NPHP4: variants seen among roughly 807,000 people sequenced by gnomAD.
NPHP4 encodes the protein nephrocystin-4.
NPHP4 carries 151 observed loss-of-function variants against 155.8 expected under a neutral mutation model. The ratio of observed to expected loss-of-function variants is 0.97; its 90% CI spans 0.85 to 1.11. The LOEUF (loss-of-function observed/expected upper bound fraction) is 1.11, where lower values mean the gene tolerates loss of function less well. Ranked by LOEUF, NPHP4 falls within the 50% of genes least tolerant of loss-of-function variation. The pLI, the probability that NPHP4 is intolerant of heterozygous loss-of-function variation, is 0.00. For missense variants in NPHP4, 1,956 were observed against 1,925.7 expected (o/e 1.02, Z -0.29); for synonymous variants, 845 against 816.8 (o/e 1.03, Z -0.59).
chr1:5,933,049 G>A, intron 10 of NPHP4, 98 bp downstream of exon 10: 2 of 993,910 alleles, frequency 2.0e-6, no homozygotes, highest in Non-Finnish European at 2.9e-6. Context: ...TTCTGTAAAT[G>A]AAACATCTGC....
At chr1:5,887,522 C>T (rs1456513399) in intron 17 of NPHP4, 56 bp from the exon 18 acceptor site, 2 of 1,576,930 alleles carry the variant, frequency 1.3e-6, no homozygotes, top group Non-Finnish European at 1.7e-6. Context: ...CTGCTTCCAC[C>T]AGCCCTGCAG....
At chr1:5,984,824 G>A (rs978065402) in intron 2 of NPHP4, among the ~76,000 whole-genome samples, 1 of 152,204 alleles carries the variant, frequency 6.6e-6, no homozygotes, top group Admixed American at 6.5e-5. Flanking sequence ...TAGGAAAGAG[G>A]GAAGGGCTAT....
At position 5,944,999 on chromosome 1, in the gene NPHP4, T is replaced by TCACCCG. The variant is rs891685978; in HGVS notation, c.1119+2099_1119+2104dup. ...AAGAGAAATCAGTGACTCCATAGCC[T>TCACCCG]CACCCGCACCCGCACCCCAGACGCC... On this transcript the variant is annotated intron_variant, in intron 9 of 29. Transcript: ENST00000378156. The surrounding 1 kb of genome is among the most constrained non-coding windows in gnomAD (Gnocchi z 4.3). Among the ~76,000 whole-genome samples, 5 of 152,088 alleles carry TCACCCG rather than the reference T, an allele frequency of 3.3e-5. No individual in the cohort carries two copies. Among genetic ancestry groups the TCACCCG allele is most frequent in the African/African-American group, 9.7e-5 (4 of 41,402 alleles).
chr1:5,895,824 C>T (rs1210562165), intron 16 of NPHP4, among the ~76,000 whole-genome samples: 1 of 152,210 alleles, frequency 6.6e-6, no homozygotes, highest in Non-Finnish European at 1.5e-5. Context: ...AGCAGCATAA[C>T]CACCCCACAG....
Position 5,910,892 on chromosome 1 carries a change from C to G in NPHP4, c.1442-1679G>C, listed in dbSNP as rs111946003. On this transcript the variant is annotated intron_variant, in intron 11 of 29. Transcript: ENST00000378156. This position sits in a 1 kb window ranked among gnomAD's most constrained non-coding sequence, Gnocchi z 5.4. Reference sequence around the variant, plus strand: ...TGGGTGGAAGGCATTGGGGCAAGGCCAGAGGGAGCCCCCAACCCTCAGAGG... The same window carrying G: ...TGGGTGGAAGGCATTGGGGCAAGGCGAGAGGGAGCCCCCAACCCTCAGAGG... Among the ~76,000 whole-genome samples the G allele has an allele frequency of 8.3e-4, 126 of 152,282 alleles. 2 individuals are homozygous for G. Among genetic ancestry groups the G allele is most frequent in the African/African-American group, 2.9e-3 (122 of 41,560 alleles).
rs1453585098 is a variant in NPHP4 at position 5,862,854 on chromosome 1, G to C, written c.*411C>G. 5 of 189,208 alleles carry C rather than the reference G, an allele frequency of 2.6e-5. No individual in the cohort carries two copies. Among genetic ancestry groups the C allele is most frequent in the African/African-American group, 4.6e-5 (2 of 43,054 alleles). The allele number at this position is 189,208 out of a possible 1,614,324, so 11.7% of individuals were successfully genotyped here. ...ATTTTGTTCAACAATTTAAAAAACAGATATAATACCAGCATAAAATATTGC... is the reference window on the plus strand; with the variant it reads ...ATTTTGTTCAACAATTTAAAAAACACATATAATACCAGCATAAAATATTGC... On this transcript the variant is annotated 3_prime_UTR_variant, in exon 30 of 30. Coordinates refer to ENST00000378156, the MANE Select transcript of NPHP4 (RefSeq NM_015102.5).
At chr1:5,933,435 T>C in intron 9 of NPHP4, 106 bp from the exon 10 acceptor site, 2 of 884,202 alleles carry the variant, frequency 2.3e-6, no homozygotes, top group Admixed American at 4.1e-5. Context: ...GAGCTCAGTG[T>C]AGCAAGGGGC....
intron 3 of NPHP4, among the ~76,000 whole-genome samples, chr1:5,977,189 G>A (rs917917432): frequency 8.6e-5 from 13 of 152,046 alleles, no homozygotes; most frequent in Non-Finnish European, 1.3e-4. Context: ...TGACATCGCC[G>A]GCTGTTAAGA....
In NPHP4 at chr1:5,978,412, C is replaced by A; in HGVS notation, c.137G>T (p.Gly46Val). ...KWLDGPVIRQ[G>V]VLEVLSEVEC... The stretch of plus-strand genomic sequence containing the variant: ...AACCTCTGACAGTACCTCCAGCACG[C>A]CCTAGGAGACAACGGGGAATTGACC... The change falls in exon 3 of 30, where the codon GGC becomes GTC. Residue 46 changes from glycine to valine, a missense_variant and splice_region_variant. Coordinates refer to ENST00000378156, the MANE Select transcript of NPHP4 (RefSeq NM_015102.5). The A allele has an allele frequency of 6.2e-7, 1 of 1,600,850 alleles. No individual in the cohort carries two copies. The highest frequency in any genetic ancestry group is 8.5e-7 in the Non-Finnish European group (1 of 1,173,824).
chr1:5,901,558 GA>G (rs1164082907), intron 16 of NPHP4, among the ~76,000 whole-genome samples: 10 of 152,234 alleles, frequency 6.6e-5, no homozygotes, highest in African/African-American at 2.2e-4. Flanking sequence ...AACTTGCAAG[GA>G]AATTTAATTT....
In NPHP4 at chr1:5,945,937, G is replaced by A. The variant is rs371816016; in HGVS notation, c.1119+1167C>T. ...AGGGCGTGAATCATCCCTCCGTCCC[G>A]CATATCCACACTGTAGACACCACCC... On this transcript the variant is annotated intron_variant, in intron 9 of 29. Coordinates refer to ENST00000378156, the MANE Select transcript of NPHP4 (RefSeq NM_015102.5). Among the ~76,000 whole-genome samples the A allele has an allele frequency of 3.9e-5, 6 of 152,040 alleles. No individual in the cohort carries two copies. The East Asian group carries it at 5.8e-4, about 15-fold the overall frequency.
At position 5,887,412 on chromosome 1, in the gene NPHP4, C is replaced by A. The variant is rs753373132; in HGVS notation, c.2359G>T (p.Val787Leu). Residue 787 changes from valine (V) to leucine (L), a missense_variant, in exon 18 of 30, where the codon GTG becomes TTG. Coordinates refer to ENST00000378156, the MANE Select transcript of NPHP4 (RefSeq NM_015102.5). ...TTGTCCTGCTCGTATTCAGTTGCCA[C>A]GACCTCAAGCTCGTGGGAGGCCTGC... ...AVQASHELEVVATEYEQDNMV... is the reference protein window; with the variant it reads ...AVQASHELEVLATEYEQDNMV... 1 of 1,613,358 alleles carries A rather than the reference C, an allele frequency of 6.2e-7. No homozygotes were observed. Among genetic ancestry groups the A allele is most frequent in the African/African-American group, 1.3e-5 (1 of 75,028 alleles).
intron 3 of NPHP4, among the ~76,000 whole-genome samples, chr1:5,974,140 G>A (rs4068399): frequency 0.65 from 98,268 of 152,150 alleles, 31,640 homozygotes; most frequent in East Asian, 0.76. Flanking sequence ...ATTATAGCAC[G>A]CTCATTGCTC....
At chr1:5,990,655 T>C (rs1656106664) in intron 1 of NPHP4, among the ~76,000 whole-genome samples, 1 of 152,132 alleles carries the variant, frequency 6.6e-6, no homozygotes, top group African/African-American at 2.4e-5. Flanking sequence ...CTAGCTATTA[T>C]AATAGTATTA....
intron 9 of NPHP4, among the ~76,000 whole-genome samples, chr1:5,937,471 G>C (rs914573431): frequency 6.6e-6 from 1 of 152,200 alleles, no homozygotes; most frequent in African/African-American, 2.4e-5. Context: ...ATTACTTCAC[G>C]AGCTTCATTT....
intron 23 of NPHP4, among the ~76,000 whole-genome samples, chr1:5,872,215 C>T (rs1406669005): frequency 6.6e-6 from 1 of 152,228 alleles, no homozygotes; most frequent in Non-Finnish European, 1.5e-5. Context: ...CTGGCCCTCG[C>T]CCCCTTTGTG....
chr1:5,958,363 G>A (rs1250316335), intron 6 of NPHP4, among the ~76,000 whole-genome samples: 1 of 151,972 alleles, frequency 6.6e-6, no homozygotes, highest in Non-Finnish European at 1.5e-5. Context: ...GACCAGCCTG[G>A]GCAACACGGA....
chr1:5,925,807 G>C (rs1012554497), intron 11 of NPHP4, among the ~76,000 whole-genome samples: 1 of 152,120 alleles, frequency 6.6e-6, no homozygotes, highest in African/African-American at 2.4e-5. Context: ...AGTAGAGACG[G>C]GGTTTCACCG....
intron 18 of NPHP4, 44 bp downstream of exon 18, chr1:5,887,242 T>C (rs1378584514): frequency 2.6e-6 from 4 of 1,556,306 alleles, no homozygotes; most frequent in Middle Eastern, 1.7e-4. Context: ...ACCAGAGGGG[T>C]TGGGCGGCCG....
Sources: gnomAD v4.1 joint callset for allele counts (sites outside exome capture counted in the v4.1 genomes callset) on GRCh38, gnomAD v4.1.1 for gene constraint, Gnocchi (gnomAD v3.1) non-coding constraint, MANE v1.5 for transcripts, NCBI Gene and HGNC (gene_info 2026-07-23, HGNC 2026-07-21) for gene names.